The following CCDC175 variants were observed in gnomAD, a reference collection of about 807,000 sequenced individuals.
CCDC175 encodes coiled-coil domain-containing protein 175.
Under a neutral mutation model 114.6 loss-of-function variants are expected in CCDC175, and 100 were observed. That is an observed-to-expected ratio of 0.87 (90% CI 0.74 to 1.03). CCDC175 has a LOEUF of 1.03. Ranked by LOEUF, CCDC175 falls within the 50% of genes least tolerant of loss-of-function variation. CCDC175 has a pLI of 0.00. For synonymous variants in CCDC175, 306 were observed against 308.7 expected (o/e 0.99, Z 0.09); for missense variants, 880 against 917.8 (o/e 0.96, Z 0.53).
intron 16 of CCDC175, among the ~76,000 whole-genome samples, chr14:59,523,431 A>G (rs1050127987): frequency 3.3e-5 from 5 of 152,360 alleles, no homozygotes; most frequent in African/African-American, 1.2e-4. Context: ...CCATTGGACT[A>G]GTCACTGATT....
intron 7 of CCDC175, 29 bp from the exon 8 acceptor site, chr14:59,551,465 A>G (rs1382235996): frequency 2.3e-5 from 27 of 1,162,994 alleles, no homozygotes; most frequent in Non-Finnish European, 3.1e-5. Context: ...AAACAGATTC[A>G]TATAAGAACA....
intron 6 of CCDC175, 80 bp from the exon 7 acceptor site, chr14:59,561,308 C>G: frequency 1.6e-6 from 1 of 642,760 alleles, no homozygotes; most frequent in Non-Finnish European, 2.7e-6. Context: ...ACTCAATATT[C>G]ATGAATTACT....
chr14:59,511,568 GAC>G (rs1892751096), intron 18 of CCDC175, among the ~76,000 whole-genome samples, 190 bp downstream of exon 18: 28 of 21,084 alleles, frequency 1.3e-3, no homozygotes, highest in Admixed American at 2.3e-3. Flanking sequence ...AAAAAAAAAA[GAC>G]ACATTTTAGG....
At chr14:59,551,470 A>C (rs1450522699) in intron 7 of CCDC175, 34 bp from the exon 8 acceptor site, 2 of 1,149,322 alleles carry the variant, frequency 1.7e-6, no homozygotes, top group Non-Finnish European at 2.4e-6. Context: ...GATTCATATA[A>C]GAACATACTT....
chr14:59,529,323 T>C (rs17096359), intron 14 of CCDC175, among the ~76,000 whole-genome samples: 59,305 of 152,120 alleles, frequency 0.39, 12,381 homozygotes, highest in African/African-American at 0.53. Context: ...CTCAGCCATA[T>C]CTGATGCCTT....
chr14:59,508,261 G>A (rs983815865), intron 19 of CCDC175, among the ~76,000 whole-genome samples: 2 of 151,674 alleles, frequency 1.3e-5, no homozygotes, highest in South Asian at 2.1e-4. Flanking sequence ...TCCCGCGTTC[G>A]CCCCGCTTTG....
At chr14:59,567,238 T>C (rs768396625) in intron 4 of CCDC175, among the ~76,000 whole-genome samples, 10 of 152,232 alleles carry the variant, frequency 6.6e-5, no homozygotes, top group Non-Finnish European at 1.3e-4. Flanking sequence ...AAATCTGTAT[T>C]GTGAATCCCC....
In CCDC175 at chr14:59,511,761, T is replaced by C; in HGVS notation, c.2141A>G (p.Lys714Arg). ...GCAACAGACACACGCAAAACTCACC[T>C]TAACTGTGGTCTGAAATTCAGCCCA... is the stretch of plus-strand genomic sequence containing the variant. ...DLWAEFQTTV[K>R]ILVDNGEETL... The change falls in exon 18 of 20, where the codon AAG becomes AGG. Residue 714 changes from lysine to arginine, a missense_variant and splice_region_variant. Transcript: ENST00000537690. 6.5e-7 allele frequency: 1 copy of C among 1,536,404 alleles called. No homozygotes were observed. The highest frequency in any genetic ancestry group is 2.4e-5 in the East Asian group (1 of 40,912).
At chr14:59,525,788 TAAAC>T (rs1307472567) in intron 15 of CCDC175, among the ~76,000 whole-genome samples, 2 of 152,186 alleles carry the variant, frequency 1.3e-5, no homozygotes, top group African/African-American at 2.4e-5. Context: ...ATACAAATAA[TAAAC>T]AATACAGTAT....
At chr14:59,516,575 T>C (rs1227908967) in intron 17 of CCDC175, among the ~76,000 whole-genome samples, 1 of 152,178 alleles carries the variant, frequency 6.6e-6, no homozygotes, top group African/African-American at 2.4e-5. Context: ...CTAGAATAAA[T>C]GGATAAATTC....
chr14:59,573,069 T>C (rs1290651349), intron 2 of CCDC175, among the ~76,000 whole-genome samples: 2 of 152,140 alleles, frequency 1.3e-5, no homozygotes, highest in East Asian at 3.8e-4. Flanking sequence ...TATCTGTTTC[T>C]TATATGCAGT....
intron 12 of CCDC175, 131 bp from the exon 13 acceptor site, chr14:59,538,285 A>G (rs1894536537): frequency 1.4e-6 from 1 of 722,706 alleles, no homozygotes; most frequent in East Asian, 3.0e-5. Context: ...TTTCTCAGCA[A>G]CCACTGAGAG....
At position 59,543,454 on chromosome 14, in the gene CCDC175, T is replaced by G. The variant is rs891869978; in HGVS notation, c.1173A>C (p.Glu391Asp). ...AFLQKQKIHD[E>D]NQKQLTFISQ... is the part of the protein sequence containing the mutation. Reference sequence around the variant, plus strand: ...AAATAAATGTCAGCTGTTTCTGATTTCTATCATGAAAAACAGAGTTATTTG... The same window carrying G: ...AAATAAATGTCAGCTGTTTCTGATTGCTATCATGAAAAACAGAGTTATTTG... The change falls in exon 10 of 20, where the codon GAA (glutamate) becomes GAC (aspartate). Residue 391 changes from glutamate (E) to aspartate (D), a missense_variant and splice_region_variant. Transcript: ENST00000537690. 2.3e-6 allele frequency: 3 copies of G among 1,290,892 alleles called. No individual in the cohort carries two copies. The highest frequency in any genetic ancestry group is 1.5e-5 in the South Asian group (1 of 64,722). The allele number at this position is 1,290,892 out of a possible 1,614,324, so 80.0% of individuals were successfully genotyped here. A position where few individuals can be genotyped will look rare whatever the true frequency, so the allele number is the denominator to read the frequency against.
intron 7 of CCDC175, among the ~76,000 whole-genome samples, chr14:59,556,264 T>C (rs558192824): frequency 4.0e-4 from 61 of 152,224 alleles, no homozygotes; most frequent in African/African-American, 1.4e-3. Flanking sequence ...AAAACAGAGA[T>C]GTAGACCAAT....
intron 1 of CCDC175, among the ~76,000 whole-genome samples, chr14:59,576,051 C>T (rs1897102927): frequency 6.6e-6 from 1 of 152,158 alleles, no homozygotes; most frequent in African/African-American, 2.4e-5. Context: ...TTACCTTAAG[C>T]TTAAGTGACT....
chr14:59,512,657 C>T (rs1248613044), intron 17 of CCDC175, among the ~76,000 whole-genome samples: 8 of 152,196 alleles, frequency 5.3e-5, no homozygotes, highest in Non-Finnish European at 2.9e-5. Flanking sequence ...TACTACACTA[C>T]AGCTGCACAA....
At chr14:59,568,618 T>TA (rs1555348586) in intron 3 of CCDC175, among the ~76,000 whole-genome samples, 1 of 152,190 alleles carries the variant, frequency 6.6e-6, no homozygotes, top group Non-Finnish European at 1.5e-5. Context: ...TGCAGTCTGA[T>TA]AGTGCCTGAT....
chr14:59,533,660 T>C (rs749799887), intron 13 of CCDC175, among the ~76,000 whole-genome samples: 4 of 151,738 alleles, frequency 2.6e-5, no homozygotes, highest in Non-Finnish European at 5.9e-5. Context: ...GGAGTACATT[T>C]CTCCAGACTG....
At chr14:59,552,458 C>A (rs533606009) in intron 7 of CCDC175, among the ~76,000 whole-genome samples, 3 of 152,284 alleles carry the variant, frequency 2.0e-5, no homozygotes, top group African/African-American at 7.2e-5. Flanking sequence ...CACACCAAAA[C>A]CCCATCTGTA....
Sources: gnomAD v4.1 joint callset for allele counts (sites outside exome capture counted in the v4.1 genomes callset) on GRCh38, gnomAD v4.1.1 for gene constraint, MANE v1.5 for transcripts, NCBI Gene and HGNC (gene_info 2026-07-23, HGNC 2026-07-21) for gene names.